The following TPO variants were observed in gnomAD, a reference collection of about 807,000 sequenced individuals.
TPO encodes the protein thyroid peroxidase.
In TPO, 78 loss-of-function variants were observed where a neutral mutation model predicts 96.9. The ratio of observed to expected loss-of-function variants is 0.81; its 90% CI spans 0.67 to 0.97. TPO has a LOEUF of 0.97. Ranked by LOEUF, TPO falls within the 50% of genes least tolerant of loss-of-function variation. The pLI is 0.00. For missense variants in TPO, 1,252 were observed against 1,274.8 expected, an observed-to-expected ratio of 0.98 and a Z score of 0.27; for synonymous variants, 547 against 538.0, an observed-to-expected ratio of 1.02 and a Z score of -0.23.
intron 16 of TPO, 173 bp from the exon 17 acceptor site, chr2:1,542,248 C>G: frequency 8.0e-6 from 7 of 879,722 alleles, no homozygotes; most frequent in Non-Finnish European, 1.2e-5. Flanking sequence ...AGCATTTGTC[C>G]GGAAGCCAGA....
At chr2:1,435,775 G>C (rs369762851) in intron 4 of TPO, among the ~76,000 whole-genome samples, 37 of 152,184 alleles carry the variant, frequency 2.4e-4, no homozygotes, top group African/African-American at 8.2e-4. Context: ...AGGTTTTATA[G>C]ATAAGCGTAC....
At chr2:1,478,363 G>T in intron 8 of TPO, 1 of 985,422 alleles carries the variant, frequency 1.0e-6, no homozygotes, top group Non-Finnish European at 1.2e-6. Context: ...CCCTGTGGCG[G>T]CCTGGGCATC....
chr2:1,490,507 G>A (rs1050832429), intron 10 of TPO, among the ~76,000 whole-genome samples: 2 of 145,326 alleles, frequency 1.4e-5, no homozygotes, highest in Non-Finnish European at 1.5e-5. Flanking sequence ...AGCAGTGTAA[G>A]AGCTGCCACA....
chr2:1,453,084 C>A (rs1324968937), intron 5 of TPO, among the ~76,000 whole-genome samples: 1 of 151,266 alleles, frequency 6.6e-6, no homozygotes, highest in East Asian at 1.9e-4. Context: ...ATACAACTGA[C>A]TCTCTCTCTC....
At chr2:1,386,964 C>T (rs1338777594) in intron 1 of TPO, among the ~76,000 whole-genome samples, 1 of 152,182 alleles carries the variant, frequency 6.6e-6, no homozygotes, top group Non-Finnish European at 1.5e-5. Context: ...TTCTCTTTCA[C>T]TTACAAAGCT....
chr2:1,513,498 G>A (rs750797131), intron 14 of TPO: 14 of 152,268 alleles, frequency 9.2e-5, no homozygotes, highest in Non-Finnish European at 1.8e-4. Context: ...GGCTGTGAGA[G>A]GAGCTCACAC....
intron 3 of TPO, among the ~76,000 whole-genome samples, chr2:1,425,054 C>T (rs1351613733): frequency 8.6e-6 from 1 of 115,872 alleles, no homozygotes; most frequent in Non-Finnish European, 2.0e-5. Context: ...AGTCATTGTT[C>T]TGGATGCTGG....
At position 1,500,776 on chromosome 2, in the gene TPO, C is replaced by G. The variant is rs188736419; in HGVS notation, c.2387-3172C>G. 4.8e-3 allele frequency among the ~76,000 whole-genome samples: 733 copies of G among 151,866 alleles called. 4 individuals are homozygous for G. The highest frequency in any genetic ancestry group is 0.017 in the African/African-American group (708 of 41,380). ...AGTCAGGAGTTCAACACCAGCCTGG[C>G]CAAGATGGTGAAACCCCGTCTCTAC... On this transcript the variant is annotated intron_variant, in intron 13 of 16. Transcript: ENST00000329066.
chr2:1,381,604 A>T (rs1161109500), intron 1 of TPO, among the ~76,000 whole-genome samples: 2 of 152,196 alleles, frequency 1.3e-5, no homozygotes, highest in African/African-American at 4.8e-5. Context: ...CGGACAACTT[A>T]TTTGATAAAT....
intron 11 of TPO, among the ~76,000 whole-genome samples, chr2:1,495,227 T>C (rs1024005191): frequency 3.3e-5 from 5 of 152,166 alleles, no homozygotes; most frequent in Non-Finnish European, 5.9e-5. Flanking sequence ...AACTTACGTA[T>C]AGTGGGGCCT....
At chr2:1,442,519 G>A (rs1666299086) in intron 5 of TPO, among the ~76,000 whole-genome samples, 1 of 152,122 alleles carries the variant, frequency 6.6e-6, no homozygotes, top group South Asian at 2.1e-4. Context: ...TGATAAATAT[G>A]ATGAATTCAC....
At position 1,457,285 on chromosome 2, in the gene TPO, G is replaced by A. The variant is rs557853793; in HGVS notation, c.819+1003G>A. On this transcript the variant is annotated intron_variant, in intron 7 of 16. Transcript: ENST00000329066. Reference sequence around the variant, plus strand: ...CATATATAGCATGTATGATAGTGTGGGCAGATGTGTACATAGCATGTATGA... The same window carrying A: ...CATATATAGCATGTATGATAGTGTGAGCAGATGTGTACATAGCATGTATGA... Among the ~76,000 whole-genome samples the A allele has an allele frequency of 3.4e-3, 258 of 75,734 alleles. 2 individuals carry two copies. Among genetic ancestry groups the A allele is most frequent in the African/African-American group, 0.013 (248 of 18,778 alleles). 49.7% of individuals were successfully genotyped at this position (75,734 alleles called of 152,430 possible).
chr2:1,409,127 G>A (rs1662289825), upstream of TPO, among the ~76,000 whole-genome samples: 1 of 152,034 alleles, frequency 6.6e-6, no homozygotes, highest in Non-Finnish European at 1.5e-5. Flanking sequence ...CTCACATGGG[G>A]ACAGACTGCC....
chr2:1,508,911 T>C (rs1018393293), intron 14 of TPO, among the ~76,000 whole-genome samples: 4 of 152,228 alleles, frequency 2.6e-5, no homozygotes, highest in Non-Finnish European at 4.4e-5. Flanking sequence ...TCTTCGTTAT[T>C]TCTTGCCTTC....
intron 9 of TPO, 23 bp from the exon 10 acceptor site, chr2:1,487,798 G>C (rs749503561): frequency 1.5e-5 from 25 of 1,614,018 alleles, no homozygotes; most frequent in Middle Eastern, 1.6e-4. Flanking sequence ...AGCTGTCCTT[G>C]CCTTGTGCAT....
intron 8 of TPO, among the ~76,000 whole-genome samples, chr2:1,482,287 T>C (rs1670724680): frequency 6.6e-6 from 1 of 152,298 alleles, no homozygotes; most frequent in South Asian, 2.1e-4. Flanking sequence ...TTTTCCCAAG[T>C]GTGGACCTTT....
chr2:1,482,963 A>G (rs116455135), intron 8 of TPO, among the ~76,000 whole-genome samples: 2,374 of 152,310 alleles, frequency 0.016, 63 homozygotes, highest in African/African-American at 0.054. Context: ...TTACAGGCGC[A>G]AGCCACTGCG....
At chr2:1,476,109 C>A (rs1302876441) in intron 7 of TPO, among the ~76,000 whole-genome samples, 2 of 152,220 alleles carry the variant, frequency 1.3e-5, no homozygotes, top group Non-Finnish European at 2.9e-5. Flanking sequence ...TCCTCAGTGC[C>A]CAGGCTGCAC....
chr2:1,511,325 G>A (rs1230164846), intron 14 of TPO, among the ~76,000 whole-genome samples: 2 of 8,924 alleles, frequency 2.2e-4, no homozygotes, highest in Non-Finnish European at 4.7e-4. Context: ...CAGCCCTGCA[G>A]ACTGGGGGTG....
Sources: allele counts gnomAD v4.1 joint callset (sites outside exome capture counted in the v4.1 genomes callset), GRCh38; gene constraint gnomAD v4.1.1; transcripts MANE v1.5; gene names NCBI Gene and HGNC (gene_info 2026-07-23, HGNC 2026-07-21).